NTM: variants seen among roughly 807,000 people sequenced by gnomAD.
NTM encodes the protein neurotrimin.
NTM carries 13 observed loss-of-function variants against 42.1 expected under a neutral mutation model. The ratio of observed to expected loss-of-function variants is 0.31; its 90% CI spans 0.20 to 0.49. The LOEUF is 0.49. Among genes scored for constraint, NTM ranks in the 20% least tolerant of loss-of-function variants. The pLI is 0.99. For synonymous variants in NTM, 187 were observed against 179.2 expected (o/e 1.04, Z -0.35); for missense variants, 373 against 452.8 (o/e 0.82, Z 1.60).
At chr11:131,547,923 G>C (rs318985) in intron 1 of NTM, among the ~76,000 whole-genome samples, 91,893 of 152,012 alleles carry the variant, frequency 0.6, 32,053 homozygotes, top group East Asian at 0.95. Context: ...TGGCTGATTA[G>C]CCAATGCCTA....
chr11:131,439,597 G>C (rs527363587), intron 1 of NTM, among the ~76,000 whole-genome samples: 1 of 152,360 alleles, frequency 6.6e-6, no homozygotes, highest in Admixed American at 6.5e-5. Context: ...AGCTCTGTGG[G>C]CATGGGACCG....
intron 1 of NTM, among the ~76,000 whole-genome samples, chr11:131,738,169 C>T (rs1260610263): frequency 6.6e-6 from 1 of 152,152 alleles, no homozygotes; most frequent in Non-Finnish European, 1.5e-5. Flanking sequence ...GGGTTTCTCT[C>T]CTCAAATTCT....
At chr11:131,814,323 T>C (rs530277019) in intron 1 of NTM, among the ~76,000 whole-genome samples, 1 of 152,178 alleles carries the variant, frequency 6.6e-6, no homozygotes, top group South Asian at 2.1e-4. Flanking sequence ...TCCAGATCAT[T>C]AACAAAGCGG....
rs114692489 is a variant in NTM, at chr11:131,818,603, A to G, written c.83-92961A>G. Among the ~76,000 whole-genome samples, 639 of 152,310 alleles carry G rather than the reference A, an allele frequency of 4.2e-3. 4 individuals carry two copies. The highest frequency in any genetic ancestry group is 0.015 in the African/African-American group (623 of 41,564). On this transcript the variant is annotated intron_variant, in intron 1 of 8. Transcript: ENST00000683400. ...GCAGAAATACTCAATTGCCAAAAAC[A>G]GGCCACACTGATTCATCCAACAGAG... is the stretch of plus-strand genomic sequence containing the variant.
rs1045761080 is a variant in NTM at position 132,336,776 on chromosome 11, G to A, written c.*1630G>A. The A allele has an allele frequency of 9.9e-5, 15 of 152,062 alleles. No individual in the cohort carries two copies. Among genetic ancestry groups the A allele is most frequent in the African/African-American group, 3.6e-4 (15 of 41,388 alleles). 9.4% of individuals were successfully genotyped at this position (152,062 alleles called of 1,614,324 possible). ...GGGGATTGGGGGATCCGGGAGGGTG[G>A]GGTTGTCTCTGACTTGACATTAAAA... On this transcript the variant is annotated 3_prime_UTR_variant, in exon 9 of 9. Transcript: ENST00000683400.
At chr11:132,102,611 T>A (rs2061761466) in intron 2 of NTM, among the ~76,000 whole-genome samples, 1 of 152,232 alleles carries the variant, frequency 6.6e-6, no homozygotes, top group Non-Finnish European at 1.5e-5. Context: ...TGTTGTCAAC[T>A]GGTTATTTTC....
At chr11:131,930,258 G>A (rs1565761352) in intron 2 of NTM, among the ~76,000 whole-genome samples, 1 of 152,212 alleles carries the variant, frequency 6.6e-6, no homozygotes, top group Admixed American at 6.5e-5. Flanking sequence ...CAGTGGAAGT[G>A]AGTGGGACAG....
At chr11:132,205,139 C>T (rs550734219) in intron 3 of NTM, among the ~76,000 whole-genome samples, 1 of 152,244 alleles carries the variant, frequency 6.6e-6, no homozygotes, top group African/African-American at 2.4e-5. Flanking sequence ...GCGGGCATCT[C>T]CAGTCTTCAA....
intron 3 of NTM, among the ~76,000 whole-genome samples, chr11:132,195,033 G>C (rs1434868688): frequency 6.6e-6 from 1 of 151,806 alleles, no homozygotes; most frequent in Non-Finnish European, 1.5e-5. Flanking sequence ...ATGTTGGCCA[G>C]GTTGGTCTCG....
chr11:131,683,688 C>T (rs912977972), intron 1 of NTM, among the ~76,000 whole-genome samples: 14 of 152,174 alleles, frequency 9.2e-5, no homozygotes, highest in African/African-American at 2.4e-4. Context: ...GGGGCTGGCA[C>T]GAGTGAGGCG....
intron 2 of NTM, among the ~76,000 whole-genome samples, chr11:131,930,921 A>G (rs1275739634): frequency 6.6e-6 from 1 of 152,184 alleles, no homozygotes; most frequent in Non-Finnish European, 1.5e-5. Context: ...CTGGTCTACA[A>G]CCCATCAGTC....
At chr11:132,253,205 G>C (rs986603701) in intron 4 of NTM, among the ~76,000 whole-genome samples, 4 of 152,100 alleles carry the variant, frequency 2.6e-5, no homozygotes, top group African/African-American at 9.7e-5. Context: ...TGATGATAAT[G>C]ACCCCCCATT....
At chr11:131,752,163 G>C (rs1256748681) in intron 1 of NTM, among the ~76,000 whole-genome samples, 1 of 152,180 alleles carries the variant, frequency 6.6e-6, no homozygotes, top group Non-Finnish European at 1.5e-5. Flanking sequence ...CTGATGGTAA[G>C]AATGGAAAAT....
chr11:131,602,439 C>G (rs1490294317), intron 1 of NTM, among the ~76,000 whole-genome samples: 3 of 152,178 alleles, frequency 2.0e-5, no homozygotes, highest in Non-Finnish European at 2.9e-5. Flanking sequence ...TCAATGCTTC[C>G]TTTTGATTCC....
rs2074127619 is a variant in NTM, at chr11:131,688,031, GTTA to G, written c.83-223527_83-223525del. Among the ~76,000 whole-genome samples the G allele has an allele frequency of 3.3e-5, 5 of 152,372 alleles. No homozygotes were observed. In the South Asian group the frequency reaches 1.0e-3, roughly 32 times the overall value. ...ATAGTGGTGTGATAGCCTCCCAGGA[GTTA>G]TTATTGCACTGACACTGCAGCAGGC... On this transcript the variant is annotated intron_variant, in intron 1 of 8. Coordinates refer to ENST00000683400, the MANE Select transcript of NTM (RefSeq NM_001352005.2).
chr11:131,828,355 C>G (rs58321882), intron 1 of NTM, among the ~76,000 whole-genome samples: 1 of 151,966 alleles, frequency 6.6e-6, no homozygotes, highest in Non-Finnish European at 1.5e-5. Flanking sequence ...CCACAATCAT[C>G]ACCATCTTTG....
chr11:131,659,604 T>C (rs2067685809), intron 1 of NTM, among the ~76,000 whole-genome samples: 1 of 152,248 alleles, frequency 6.6e-6, no homozygotes. Flanking sequence ...TTTTAGTTTA[T>C]ATATAGCAAG....
At chr11:132,081,140 G>A (rs2136280430) in intron 2 of NTM, among the ~76,000 whole-genome samples, 1 of 152,346 alleles carries the variant, frequency 6.6e-6, no homozygotes, top group East Asian at 1.9e-4. Flanking sequence ...GAATATCCTG[G>A]AAGGTAAGAC....
chr11:131,892,422 G>A (rs184564325), intron 1 of NTM, among the ~76,000 whole-genome samples: 1 of 152,350 alleles, frequency 6.6e-6, no homozygotes, highest in East Asian at 1.9e-4. Flanking sequence ...ACAATTGTGT[G>A]CACATAGTGC....
Sources: allele counts gnomAD v4.1 joint callset (sites outside exome capture counted in the v4.1 genomes callset), GRCh38; gene constraint gnomAD v4.1.1; transcripts MANE v1.5; gene names NCBI Gene and HGNC (gene_info 2026-07-23, HGNC 2026-07-21).